The following ADCY2 variants were observed in gnomAD, a reference collection of about 807,000 sequenced individuals.
The protein encoded by ADCY2 is adenylate cyclase type 2.
ADCY2 carries 31 observed loss-of-function variants against 125.2 expected under a neutral mutation model. The ratio of observed to expected loss-of-function variants is 0.25; its 90% CI spans 0.19 to 0.33. The LOEUF is 0.33. Ranked by LOEUF, ADCY2 falls within the 10% of genes least tolerant of loss-of-function variation. ADCY2 has a pLI of 1.00. For synonymous variants in ADCY2, 512 were observed against 548.4 expected, an observed-to-expected ratio of 0.93 and a Z score of 0.93; for missense variants, 904 against 1,418.2, an observed-to-expected ratio of 0.64 and a Z score of 5.82.
chr5:7,481,772 TTGTGTGTGTGTG>T (rs35724998), intron 2 of ADCY2, among the ~76,000 whole-genome samples: 4 of 149,842 alleles, frequency 2.7e-5, no homozygotes, highest in South Asian at 4.2e-4. Context: ...CCATGCTGAT[TTGTGTGTGTGTG>T]TGTGTGTGTG....
At position 7,640,308 on chromosome 5, in the gene ADCY2, C is replaced by T. The variant is rs545606391; in HGVS notation, c.720+13992C>T. Among the ~76,000 whole-genome samples, 26 of 152,224 alleles carry T rather than the reference C, an allele frequency of 1.7e-4. 2 individuals are homozygous for T. The South Asian group carries it at 3.7e-3, about 22-fold the overall frequency. ...AAGGCAAATGTCAAACCAGATTCTA[C>T]CCTTTAAAGAGGCATTTAGATCATG... On this transcript the variant is annotated intron_variant, in intron 4 of 24. Transcript: ENST00000338316.
chr5:7,707,724 T>C lies in ADCY2; in HGVS notation c.1287T>C (p.Ser429=). The part of the protein sequence containing the change: ...GGVPGRVHIS[S]VTLEHLNGAY... ...ATTTCAGACGTGTTCACATTTCTTC[T>C]GTCACCCTGGAGCACTTGAATGGCG... Residue 429 remains serine (S), a synonymous_variant, in exon 9 of 25, where the codon TCT becomes TCC. Transcript: ENST00000338316. 6.2e-7 allele frequency: 1 copy of C among 1,614,134 alleles called. No individual in the cohort carries two copies. Among genetic ancestry groups the C allele is most frequent in the Non-Finnish European group, 8.5e-7 (1 of 1,180,016 alleles).
intron 2 of ADCY2, among the ~76,000 whole-genome samples, chr5:7,451,073 G>T (rs1741452806): frequency 6.6e-6 from 1 of 152,162 alleles, no homozygotes; most frequent in African/African-American, 2.4e-5. Flanking sequence ...CCATTTTCAT[G>T]CCAGCAAACA....
intron 7 of ADCY2, among the ~76,000 whole-genome samples, chr5:7,700,916 A>G (rs1159325508): frequency 1.3e-5 from 2 of 151,924 alleles, no homozygotes; most frequent in South Asian, 2.1e-4. Context: ...TCAGTTTCCT[A>G]CACAAAATGC....
At chr5:7,512,056 A>G (rs547281186) in intron 2 of ADCY2, among the ~76,000 whole-genome samples, 1 of 151,800 alleles carries the variant, frequency 6.6e-6, no homozygotes, top group East Asian at 1.9e-4. Flanking sequence ...CCCCATCTCT[A>G]CTAAATATAC....
At chr5:7,788,950 T>A (rs1352041763) in intron 19 of ADCY2, among the ~76,000 whole-genome samples, 1 of 152,264 alleles carries the variant, frequency 6.6e-6, no homozygotes, top group African/African-American at 2.4e-5. Context: ...AAAGACTCTT[T>A]GTCAGTAATT....
At chr5:7,759,336 C>T (rs1743118993) in intron 16 of ADCY2, among the ~76,000 whole-genome samples, 1 of 152,202 alleles carries the variant, frequency 6.6e-6, no homozygotes. Flanking sequence ...GCCACCACAG[C>T]TACCTCCTCC....
At chr5:7,512,238 A>AAAAAAAAAAAAAAAAAAAAAAACAAC in intron 2 of ADCY2, among the ~76,000 whole-genome samples, 1 of 151,026 alleles carries the variant, frequency 6.6e-6, no homozygotes, top group African/African-American at 2.4e-5. Context: ...AAAAAAAAAA[A>AAAAAAAAAAAAAAAAAAAAAAACAAC]AAGAAAACCA....
chr5:7,757,195 CT>C (rs899132618), intron 15 of ADCY2, among the ~76,000 whole-genome samples: 1 of 152,168 alleles, frequency 6.6e-6, no homozygotes, highest in African/African-American at 2.4e-5. Context: ...AATTTCAGGT[CT>C]GTTTTAAAAG....
At chr5:7,652,108 CTT>C (rs1057186206) in intron 4 of ADCY2, among the ~76,000 whole-genome samples, 1 of 152,132 alleles carries the variant, frequency 6.6e-6, no homozygotes, top group Non-Finnish European at 1.5e-5. Flanking sequence ...GGCCTCACCT[CTT>C]TTAAAAATCA....
chr5:7,516,589 A>G (rs563134785), intron 2 of ADCY2, among the ~76,000 whole-genome samples: 10 of 152,308 alleles, frequency 6.6e-5, no homozygotes, highest in Non-Finnish European at 1.5e-4. Context: ...CTAACAGTGC[A>G]TAAGATTTTA....
intron 3 of ADCY2, among the ~76,000 whole-genome samples, chr5:7,577,021 A>AAGAT (rs1736274078): frequency 6.6e-6 from 1 of 152,176 alleles, no homozygotes; most frequent in South Asian, 2.1e-4. Context: ...CCAACATCTC[A>AAGAT]AGATACTCAA....
At chr5:7,718,466 GTATT>G (rs1223357718) in intron 12 of ADCY2, among the ~76,000 whole-genome samples, 8 of 152,146 alleles carry the variant, frequency 5.3e-5, no homozygotes, top group African/African-American at 1.7e-4. Flanking sequence ...TTCCTTGTAG[GTATT>G]TATTATCGAA....
chr5:7,817,530 A>G (rs1453692730), intron 23 of ADCY2, among the ~76,000 whole-genome samples: 1 of 152,182 alleles, frequency 6.6e-6, no homozygotes, highest in Non-Finnish European at 1.5e-5. Flanking sequence ...TAATATTGTT[A>G]AAAAATAACC....
intron 11 of ADCY2, among the ~76,000 whole-genome samples, chr5:7,716,721 C>T (rs1741603304): frequency 6.6e-6 from 1 of 152,186 alleles, no homozygotes; most frequent in Non-Finnish European, 1.5e-5. Flanking sequence ...ACAAATTTGG[C>T]ATGTTCTCAC....
intron 14 of ADCY2, among the ~76,000 whole-genome samples, chr5:7,727,639 GGGCA>G (rs1741971640): frequency 6.6e-6 from 1 of 152,004 alleles, no homozygotes. Context: ...TATATTGAAA[GGGCA>G]TGACCTTTCA....
At chr5:7,680,312 C>T (rs779168845) in intron 4 of ADCY2, among the ~76,000 whole-genome samples, 23 of 152,110 alleles carry the variant, frequency 1.5e-4, no homozygotes, top group Non-Finnish European at 2.4e-4. Context: ...GCAGTTTGCA[C>T]GTCAGCCCCC....
intron 2 of ADCY2, among the ~76,000 whole-genome samples, chr5:7,420,277 T>C (rs1392034389): frequency 2.6e-5 from 4 of 152,050 alleles, no homozygotes; most frequent in African/African-American, 4.8e-5. Context: ...AATAACCAGC[T>C]CTTAAGCCCT....
At chr5:7,614,149 T>G (rs922442220) in intron 3 of ADCY2, among the ~76,000 whole-genome samples, 2 of 152,254 alleles carry the variant, frequency 1.3e-5, no homozygotes, top group African/African-American at 4.8e-5. Flanking sequence ...ATGCATCTCA[T>G]GAGTGTCAAC....
Sources: gnomAD v4.1 joint callset for allele counts (sites outside exome capture counted in the v4.1 genomes callset) on GRCh38, gnomAD v4.1.1 for gene constraint, MANE v1.5 for transcripts, NCBI Gene and HGNC (gene_info 2026-07-23, HGNC 2026-07-21) for gene names.